The following ZNF385D variants were observed in gnomAD, a reference collection of about 807,000 sequenced individuals.
ZNF385D encodes the protein zinc finger protein 659.
A neutral mutation model predicts 35.8 loss-of-function variants in ZNF385D; 15 were observed. The observed-to-expected ratio is 0.42, with a 90% confidence interval of 0.28 to 0.64. ZNF385D has a LOEUF of 0.64. ZNF385D is among the 30% of genes least tolerant of loss of function. The probability of loss-of-function intolerance (pLI) is 0.23; values close to 1 mark genes in which losing one functional copy is unlikely to be tolerated. For missense variants in ZNF385D, 474 were observed against 494.6 expected (o/e 0.96, Z 0.39); for synonymous variants, 212 against 186.8 (o/e 1.13, Z -1.10).
intron 3 of ZNF385D, among the ~76,000 whole-genome samples, chr3:22,087,669 A>G (rs1701116798): frequency 1.3e-5 from 2 of 152,192 alleles, no homozygotes; most frequent in South Asian, 4.1e-4. Context: ...TTTTACTTGA[A>G]ACAAGAATAA....
chr3:22,239,550 A>G (rs1394437087), intron 2 of ZNF385D, among the ~76,000 whole-genome samples: 1 of 148,240 alleles, frequency 6.7e-6, no homozygotes, highest in East Asian at 2.0e-4. Flanking sequence ...AAGTCTTTAA[A>G]TGATTTATTA....
At chr3:22,083,727 G>C (rs1700883109) in intron 3 of ZNF385D, among the ~76,000 whole-genome samples, 1 of 152,042 alleles carries the variant, frequency 6.6e-6, no homozygotes, top group Non-Finnish European at 1.5e-5. Flanking sequence ...AAGAAATACA[G>C]AGAACACCAC....
At chr3:21,456,444 G>A (rs1702815214) in intron 4 of ZNF385D, among the ~76,000 whole-genome samples, 1 of 152,144 alleles carries the variant, frequency 6.6e-6, no homozygotes, top group South Asian at 2.1e-4. Flanking sequence ...TAGGGACATG[G>A]ATGAAGCTGG....
upstream of ZNF385D, chr3:21,751,343 G>A (rs2070073833): frequency 9.5e-7 from 1 of 1,052,586 alleles, no homozygotes; most frequent in Non-Finnish European, 1.1e-6. Context: ...CAGAGACTTG[G>A]GAAGGGGCGG....
chr3:21,847,292 A>C (rs1211500140), intron 3 of ZNF385D, among the ~76,000 whole-genome samples: 1 of 152,116 alleles, frequency 6.6e-6, no homozygotes, highest in African/African-American at 2.4e-5. Context: ...TGTATATTCA[A>C]AACAGTCGTT....
chr3:21,787,708 A>T (rs1443105225), intron 3 of ZNF385D, among the ~76,000 whole-genome samples: 1 of 152,156 alleles, frequency 6.6e-6, no homozygotes, highest in Non-Finnish European at 1.5e-5. Flanking sequence ...GGACAGGAAG[A>T]TCACAACATA....
At chr3:22,115,871 T>C (rs1203136742) in intron 3 of ZNF385D, among the ~76,000 whole-genome samples, 3 of 152,088 alleles carry the variant, frequency 2.0e-5, no homozygotes, top group Non-Finnish European at 4.4e-5. Context: ...AAAATAAAAC[T>C]ATCTTTGCAA....
At chr3:22,265,211 G>T (rs1283407864) in intron 2 of ZNF385D, among the ~76,000 whole-genome samples, 1 of 151,902 alleles carries the variant, frequency 6.6e-6, no homozygotes, top group Non-Finnish European at 1.5e-5. Flanking sequence ...ACTGCAACCT[G>T]ATAGAGAATT....
At chr3:22,043,422 T>A (rs1164396634) in intron 3 of ZNF385D, among the ~76,000 whole-genome samples, 1 of 152,112 alleles carries the variant, frequency 6.6e-6, no homozygotes, top group Non-Finnish European at 1.5e-5. Flanking sequence ...ACAAACTGAG[T>A]TGCATTTTAA....
intron 3 of ZNF385D, among the ~76,000 whole-genome samples, chr3:21,992,029 C>G (rs975975521): frequency 3.3e-5 from 5 of 152,170 alleles, no homozygotes; most frequent in Non-Finnish European, 5.9e-5. Flanking sequence ...ATGCTCATCT[C>G]TGGAATGAGA....
rs1700522711 is a variant in ZNF385D, at chr3:21,413,643, A to G, written c.*7571T>C. On this transcript the variant is annotated 3_prime_UTR_variant, in exon 8 of 8. Coordinates refer to ENST00000281523, the MANE Select transcript of ZNF385D (RefSeq NM_024697.3). ...TGGTTATATTTTTTAAGCCATAAGA[A>G]TATAAGAGGAGAAAAATAGCATGAA... is the stretch of plus-strand genomic sequence containing the variant. 1 of 152,094 alleles carries G rather than the reference A, an allele frequency of 6.6e-6. No individual in the cohort carries two copies. The highest frequency in any genetic ancestry group is 1.5e-5 in the Non-Finnish European group (1 of 68,004). The allele number at this position is 152,094 out of a possible 1,614,324, so 9.4% of individuals were successfully genotyped here.
Position 21,618,744 on chromosome 3 carries a change from T to C in ZNF385D, c.165+46142A>G, listed in dbSNP as rs533589722. 3.0e-4 allele frequency among the ~76,000 whole-genome samples: 45 copies of C among 152,204 alleles called. 1 individual carries two copies. The South Asian group carries it at 9.1e-3, about 31-fold the overall frequency. ...AAGTCTATCAGTTAAAGAACAAAAG[T>C]CTACCCAACATAAAGCAATACAGTA... On this transcript the variant is annotated intron_variant, in intron 2 of 7. Coordinates refer to ENST00000281523, the MANE Select transcript of ZNF385D (RefSeq NM_024697.3).
chr3:21,928,300 G>A (rs1350964431), intron 3 of ZNF385D, among the ~76,000 whole-genome samples: 1 of 145,254 alleles, frequency 6.9e-6, no homozygotes, highest in African/African-American at 2.5e-5. Flanking sequence ...GAAGGAGGGA[G>A]GAAGGAAGGT....
intron 1 of ZNF385D, among the ~76,000 whole-genome samples, chr3:21,731,103 C>A (rs1297754293): frequency 6.6e-6 from 1 of 152,098 alleles, no homozygotes; most frequent in Non-Finnish European, 1.5e-5. Context: ...TAAATATGAT[C>A]ATTTTGTGCA....
intron 3 of ZNF385D, among the ~76,000 whole-genome samples, chr3:21,958,290 C>A (rs9821571): frequency 0.68 from 103,896 of 151,954 alleles, 36,670 homozygotes; most frequent in Non-Finnish European, 0.77. Context: ...TGGAGATTGA[C>A]AATAGAGGTC....
rs549314297 is a variant in ZNF385D at position 22,345,358 on chromosome 3, C to A, written c.106+27092G>T. On this transcript the variant is annotated intron_variant, in intron 2 of 5. Coordinates refer to the ZNF385D transcript ENST00000494108. ...TCAAAAATAAATGAACCTACATTTTCAATGACTGAAAGCTGTGTAATTACT... is the reference window on the plus strand; with the variant it reads ...TCAAAAATAAATGAACCTACATTTTAAATGACTGAAAGCTGTGTAATTACT... 2.0e-5 allele frequency among the ~76,000 whole-genome samples: 3 copies of A among 152,298 alleles called. No individual in the cohort carries two copies. The East Asian group carries it at 5.8e-4, about 29-fold the overall frequency.
intron 3 of ZNF385D, among the ~76,000 whole-genome samples, chr3:21,816,954 C>A (rs1210386322): frequency 6.6e-6 from 1 of 152,088 alleles, no homozygotes. Flanking sequence ...CTACAGTAAC[C>A]AAAACAGCAT....
At chr3:22,103,743 C>T (rs543622924) in intron 3 of ZNF385D, among the ~76,000 whole-genome samples, 1 of 135,174 alleles carries the variant, frequency 7.4e-6, no homozygotes, top group African/African-American at 2.5e-5. Flanking sequence ...TATGGTAGCA[C>T]AACCTCCTGG....
intron 2 of ZNF385D, among the ~76,000 whole-genome samples, chr3:21,638,479 G>A (rs2065511513): frequency 6.6e-6 from 1 of 152,068 alleles, no homozygotes; most frequent in Non-Finnish European, 1.5e-5. Flanking sequence ...TACATGTGCA[G>A]CATCCACCTG....
Sources: gnomAD v4.1 joint callset for allele counts (sites outside exome capture counted in the v4.1 genomes callset) on GRCh38, gnomAD v4.1.1 for gene constraint, MANE v1.5 for transcripts, NCBI Gene and HGNC (gene_info 2026-07-23, HGNC 2026-07-21) for gene names.